PTCHD4: variants seen among roughly 807,000 people sequenced by gnomAD.
PTCHD4 encodes patched domain containing 4, also known as patched domain-containing protein 4.
PTCHD4 carries 33 observed loss-of-function variants against 58.1 expected under a neutral mutation model. The observed-to-expected ratio is 0.57, with a 90% CI of 0.43 to 0.76. The LOEUF (loss-of-function observed/expected upper bound fraction) is 0.76, where lower values mean the gene tolerates loss of function less well. Among genes scored for constraint, PTCHD4 ranks in the 30% least tolerant of loss-of-function variants. The pLI is 0.00. For synonymous variants in PTCHD4, 478 were observed against 409.6 expected (o/e 1.17, Z -2.02); for missense variants, 1,058 against 1,027.1 (o/e 1.03, Z -0.41).
chr6:48,032,470 T>C lies in PTCHD4; in HGVS notation c.418-23356A>G, dbSNP rs550328623. Among the ~76,000 whole-genome samples, 26 of 151,882 alleles carry C rather than the reference T, an allele frequency of 1.7e-4. No homozygotes were observed. The South Asian group carries it at 4.0e-3, about 23-fold the overall frequency. ...TGTGTGTGTGTGTGTGTTTATGTAGTGGGAAGGGACATTTCCAAAATTCTA... is the reference window on the plus strand; with the variant it reads ...TGTGTGTGTGTGTGTGTTTATGTAGCGGGAAGGGACATTTCCAAAATTCTA... On this transcript the variant is annotated intron_variant, in intron 3 of 4. Transcript: ENST00000339488.
intron 3 of PTCHD4, among the ~76,000 whole-genome samples, chr6:48,054,010 G>C (rs1218524346): frequency 1.3e-5 from 2 of 152,086 alleles, no homozygotes; most frequent in Non-Finnish European, 2.9e-5. Flanking sequence ...AGGTAAGATA[G>C]GGGGATCTTT....
At chr6:48,099,669 C>T (rs1446297769) in intron 1 of PTCHD4, among the ~76,000 whole-genome samples, 2 of 152,162 alleles carry the variant, frequency 1.3e-5, no homozygotes, top group East Asian at 3.8e-4. Flanking sequence ...GTTTAGAATG[C>T]AGCATCTATA....
At chr6:47,879,962 T>G in intron 4 of PTCHD4, 26 bp from the exon 5 acceptor site, 1 of 1,421,974 alleles carries the variant, frequency 7.0e-7, no homozygotes, top group South Asian at 1.5e-5. Flanking sequence ...AAGAAAATAA[T>G]AATTATTTTT....
intron 4 of PTCHD4, among the ~76,000 whole-genome samples, chr6:47,947,438 T>C (rs987028643): frequency 1.3e-5 from 2 of 152,116 alleles, no homozygotes; most frequent in African/African-American, 4.8e-5. Flanking sequence ...GGTCATTTTT[T>C]TTCTTCTTGA....
At chr6:48,071,148 G>C (rs1764967915) in intron 1 of PTCHD4, among the ~76,000 whole-genome samples, 2 of 152,144 alleles carry the variant, frequency 1.3e-5, no homozygotes, top group Admixed American at 1.3e-4. Flanking sequence ...GTAGCATCAG[G>C]CAGCGTACTC....
rs140707992 is a variant in PTCHD4, at chr6:47,925,430, A to G, written c.899-45494T>C. Among the ~76,000 whole-genome samples the G allele has an allele frequency of 9.5e-4, 144 of 152,272 alleles. 2 individuals carry two copies. In the East Asian group the frequency reaches 0.025, roughly 27 times the overall value. On this transcript the variant is annotated intron_variant, in intron 4 of 4. Coordinates refer to ENST00000339488, the MANE Select transcript of PTCHD4 (RefSeq NM_001384253.1). ...TGCAGCCATCTATAGACAGAGTTAC[A>G]CATCTCACTGGCAGGGTATTTTCCT...
chr6:47,982,757 G>T (rs533227071), intron 4 of PTCHD4, among the ~76,000 whole-genome samples: 3 of 152,250 alleles, frequency 2.0e-5, no homozygotes, highest in Admixed American at 6.5e-5. Context: ...AAAGTGCTGG[G>T]ATTAAAGGCA....
intron 3 of PTCHD4, among the ~76,000 whole-genome samples, chr6:48,049,585 C>A (rs1764159127): frequency 6.6e-6 from 1 of 151,934 alleles, no homozygotes; most frequent in South Asian, 2.1e-4. Flanking sequence ...TTGGAATGAG[C>A]TCAAATCTCA....
intron 4 of PTCHD4, among the ~76,000 whole-genome samples, chr6:47,963,517 G>A (rs991298606): frequency 1.3e-5 from 2 of 152,128 alleles, no homozygotes; most frequent in African/African-American, 2.4e-5. Context: ...CAGTATCTCC[G>A]AGAGATATCT....
intron 4 of PTCHD4, among the ~76,000 whole-genome samples, chr6:47,921,014 G>A (rs1765415177): frequency 6.6e-6 from 1 of 151,912 alleles, no homozygotes; most frequent in African/African-American, 2.4e-5. Flanking sequence ...GTTGTCTGCA[G>A]CAACAGCTAA....
In PTCHD4 at chr6:47,867,728, C is replaced by T. The variant is rs530299695; in HGVS notation, c.*10575G>A. 4.6e-5 allele frequency among the ~76,000 whole-genome samples: 7 copies of T among 151,868 alleles called. No individual in the cohort carries two copies. The East Asian group carries it at 1.4e-3, about 30-fold the overall frequency. On this transcript the variant is annotated 3_prime_UTR_variant, in exon 5 of 5. Coordinates refer to ENST00000339488, the MANE Select transcript of PTCHD4 (RefSeq NM_001384253.1). Reference sequence around the variant, plus strand: ...TCTATCTATTAGAATCTTACCCACACTTCAATGTGGATCAGTTCATAATTC... The same window carrying T: ...TCTATCTATTAGAATCTTACCCACATTTCAATGTGGATCAGTTCATAATTC...
At chr6:48,013,817 A>G (rs971106327) in intron 3 of PTCHD4, among the ~76,000 whole-genome samples, 14 of 152,272 alleles carry the variant, frequency 9.2e-5, no homozygotes, top group African/African-American at 3.4e-4. Context: ...TATGTCATCA[A>G]AAAGATTTCT....
At position 47,865,789 on chromosome 6, in the gene PTCHD4, T is replaced by TAAG. The variant is rs1763549503; in HGVS notation, c.*12513_*12514insCTT. Among the ~76,000 whole-genome samples the TAAG allele has an allele frequency of 6.6e-6, 1 of 151,674 alleles. No homozygotes were observed. The highest frequency in any genetic ancestry group is 1.5e-5 in the Non-Finnish European group (1 of 67,832). On this transcript the variant is annotated 3_prime_UTR_variant, in exon 5 of 5. Coordinates refer to ENST00000339488, the MANE Select transcript of PTCHD4 (RefSeq NM_001384253.1). ...TAATACTTCTAAATTTTGAATCTAA[T>TAAG]AATAATAATAATAAAAAGTAATCTG...
At chr6:48,103,633 C>T (rs1172302348) in intron 1 of PTCHD4, among the ~76,000 whole-genome samples, 1 of 152,042 alleles carries the variant, frequency 6.6e-6, no homozygotes, top group Admixed American at 6.5e-5. Context: ...AGGAAGGCTT[C>T]AGAAGATCAA....
chr6:48,079,049 C>G lies in PTCHD4; in HGVS notation c.-969-9123G>C, dbSNP rs141448333. ...AGGAGAATGGCGTGAACCCGGGAGG[C>G]GGAGCTTGCAGTGAGTCGAGATCGC... On this transcript the variant is annotated intron_variant, in intron 1 of 4. Transcript: ENST00000339488. 2.8e-3 allele frequency among the ~76,000 whole-genome samples: 405 copies of G among 144,458 alleles called. 1 individual carries two copies. The highest frequency in any genetic ancestry group is 9.0e-3 in the African/African-American group (345 of 38,524). The allele number at this position is 144,458 out of a possible 152,430, so 94.8% of individuals were successfully genotyped here. A position where few individuals can be genotyped will look rare whatever the true frequency, so the allele number is the denominator to read the frequency against.
chr6:47,987,930 C>T (rs189158470), intron 4 of PTCHD4, among the ~76,000 whole-genome samples: 16 of 152,148 alleles, frequency 1.1e-4, no homozygotes, highest in Admixed American at 1.3e-4. Flanking sequence ...TGTGCATCAC[C>T]GTACCCTGAC....
At chr6:48,030,705 A>G (rs555727753) in intron 3 of PTCHD4, among the ~76,000 whole-genome samples, 5 of 152,246 alleles carry the variant, frequency 3.3e-5, no homozygotes, top group Non-Finnish European at 1.5e-5. Context: ...TCACTCCATC[A>G]TCCTCCACCA....
chr6:48,102,951 C>A (rs1582141345), intron 1 of PTCHD4, among the ~76,000 whole-genome samples: 1 of 152,180 alleles, frequency 6.6e-6, no homozygotes, highest in South Asian at 2.1e-4. Flanking sequence ...AACAAAGTGG[C>A]CAGGAAGCTC....
chr6:48,024,164 A>C (rs1015124266), intron 3 of PTCHD4, among the ~76,000 whole-genome samples: 2 of 152,198 alleles, frequency 1.3e-5, no homozygotes, highest in Non-Finnish European at 2.9e-5. Flanking sequence ...GGGCTCCATC[A>C]ACAGTTATTA....
Sources: gnomAD v4.1 joint callset for allele counts (sites outside exome capture counted in the v4.1 genomes callset) on GRCh38, gnomAD v4.1.1 for gene constraint, MANE v1.5 for transcripts, NCBI Gene and HGNC (gene_info 2026-07-23, HGNC 2026-07-21) for gene names.